The following LPP variants were observed in gnomAD, a reference collection of about 807,000 sequenced individuals.
The protein encoded by LPP is lipoma-preferred partner.
Under a neutral mutation model 60.4 loss-of-function variants are expected in LPP, and 38 were observed. The ratio of observed to expected loss-of-function variants is 0.63; its 90% CI spans 0.49 to 0.83. The LOEUF is 0.83. LPP is among the 40% of genes least tolerant of loss of function. The pLI is 0.00. For missense variants in LPP, 902 were observed against 783.6 expected, an observed-to-expected ratio of 1.15 and a Z score of -1.80; for synonymous variants, 328 against 290.8, an observed-to-expected ratio of 1.13 and a Z score of -1.30.
At chr3:188,542,092 A>G (rs749812040) in intron 6 of LPP, among the ~76,000 whole-genome samples, 4 of 152,188 alleles carry the variant, frequency 2.6e-5, no homozygotes, top group South Asian at 2.1e-4. Context: ...TGCATCTGCA[A>G]TTCTTGAAAG....
chr3:188,628,905 A>C (rs1357280499), intron 7 of LPP, among the ~76,000 whole-genome samples: 2 of 152,060 alleles, frequency 1.3e-5, no homozygotes, highest in African/African-American at 4.8e-5. Flanking sequence ...AGCTAATTCA[A>C]CCCAATCAAA....
intron 6 of LPP, among the ~76,000 whole-genome samples, chr3:188,558,932 G>A (rs1263287462): frequency 1.3e-5 from 2 of 152,094 alleles, no homozygotes; most frequent in East Asian, 1.9e-4. Flanking sequence ...GTGGTGGAAA[G>A]GATGAGTTTT....
intron 7 of LPP, among the ~76,000 whole-genome samples, chr3:188,697,089 T>A: frequency 6.6e-6 from 1 of 152,212 alleles, no homozygotes; most frequent in East Asian, 1.9e-4. Context: ...TATTTTCACT[T>A]AGGCACTTTG....
chr3:188,531,057 G>T (rs1392767436), intron 6 of LPP, among the ~76,000 whole-genome samples: 2 of 152,038 alleles, frequency 1.3e-5, no homozygotes, highest in East Asian at 1.9e-4. Context: ...AAGTAAGTTT[G>T]GTAGGATTGG....
intron 2 of LPP, among the ~76,000 whole-genome samples, chr3:188,323,617 A>T (rs1352470569): frequency 6.6e-6 from 1 of 152,246 alleles, no homozygotes; most frequent in East Asian, 1.9e-4. Flanking sequence ...CTCAAGTTGC[A>T]TTCTCCTTAT....
At chr3:188,731,270 CTTGGGGTAAAGGAAAGT>C (rs1341429579) in intron 8 of LPP, among the ~76,000 whole-genome samples, 1 of 152,086 alleles carries the variant, frequency 6.6e-6, no homozygotes, top group African/African-American at 2.4e-5. Flanking sequence ...AGATTCTAAT[CTTGGGGTAAAGGAAAGT>C]TTGAGATTTC....
chr3:188,309,980 A>G (rs1199273253), intron 2 of LPP, among the ~76,000 whole-genome samples: 1 of 152,090 alleles, frequency 6.6e-6, no homozygotes, highest in Non-Finnish European at 1.5e-5. Flanking sequence ...TATTTCTTTA[A>G]ATGAGAATTG....
At chr3:188,509,873 G>GTTTTTTT (rs35389820) in intron 5 of LPP, among the ~76,000 whole-genome samples, 3 of 111,040 alleles carry the variant, frequency 2.7e-5, no homozygotes, top group African/African-American at 1.1e-4. Flanking sequence ...TTTTTTTGTT[G>GTTTTTTT]TTTTTTTTTT....
chr3:188,829,914 A>G (rs1033412075), intron 9 of LPP, among the ~76,000 whole-genome samples: 2 of 151,916 alleles, frequency 1.3e-5, no homozygotes, highest in African/African-American at 4.8e-5. Flanking sequence ...GCTCACATCT[A>G]TAATCCTAGC....
intron 7 of LPP, among the ~76,000 whole-genome samples, chr3:188,640,423 A>G (rs2148768108): frequency 6.8e-6 from 1 of 148,044 alleles, no homozygotes; most frequent in South Asian, 2.2e-4. Flanking sequence ...ATGCTAGATG[A>G]CGAGTTAGTG....
Position 188,162,410 on chromosome 3 carries a change from A to G in LPP, c.-190+8158A>G, listed in dbSNP as rs548526218. ...CATAGTTGATGTGAACATCCCTGCAAGCCCTTTACACAGGTGAGAAGTAGT... is the reference window on the plus strand; with the variant it reads ...CATAGTTGATGTGAACATCCCTGCAGGCCCTTTACACAGGTGAGAAGTAGT... On this transcript the variant is annotated intron_variant, in intron 1 of 11. Transcript: ENST00000617246. Among the ~76,000 whole-genome samples, 10 of 152,330 alleles carry G rather than the reference A, an allele frequency of 6.6e-5. No individual in the cohort carries two copies. In the South Asian group the frequency reaches 2.1e-3, roughly 32 times the overall value.
chr3:188,737,573 C>T (rs1008797638), intron 8 of LPP, among the ~76,000 whole-genome samples: 2 of 152,168 alleles, frequency 1.3e-5, no homozygotes, highest in African/African-American at 2.4e-5. Flanking sequence ...CTTTCCCACT[C>T]GCCCTCAGTT....
intron 2 of LPP, among the ~76,000 whole-genome samples, chr3:188,239,669 T>A (rs536407580): frequency 6.6e-6 from 1 of 152,336 alleles, no homozygotes; most frequent in African/African-American, 2.4e-5. Context: ...AAAGGCATTA[T>A]GGAGTCTCCA....
At chr3:188,638,276 T>C (rs1328356493) in intron 7 of LPP, among the ~76,000 whole-genome samples, 135 of 132,892 alleles carry the variant, frequency 1.0e-3, no homozygotes, top group South Asian at 2.6e-3. Context: ...CATGATTATC[T>C]CAATAGATGC....
At chr3:188,307,241 C>A (rs1329213364) in intron 2 of LPP, among the ~76,000 whole-genome samples, 1 of 152,140 alleles carries the variant, frequency 6.6e-6, no homozygotes, top group Non-Finnish European at 1.5e-5. Context: ...TGACAGGTAG[C>A]TTTGAAACCA....
intron 2 of LPP, among the ~76,000 whole-genome samples, chr3:188,240,618 TTGGGTAGAAAC>T: frequency 6.6e-6 from 1 of 152,234 alleles, no homozygotes; most frequent in African/African-American, 2.4e-5. Context: ...AGCAACATAT[TTGGGTAGAAAC>T]TTTCATATAA....
At chr3:188,273,890 T>G (rs545839410) in intron 2 of LPP, among the ~76,000 whole-genome samples, 1 of 152,252 alleles carries the variant, frequency 6.6e-6, no homozygotes, top group East Asian at 1.9e-4. Context: ...CCACCATGTC[T>G]GGCCGTCTAT....
chr3:188,746,058 T>C (rs942490872), intron 8 of LPP, among the ~76,000 whole-genome samples: 1 of 152,206 alleles, frequency 6.6e-6, no homozygotes, highest in Non-Finnish European at 1.5e-5. Flanking sequence ...TCTTTAATAA[T>C]GATCTTCTCT....
chr3:188,762,490 T>A (rs1178288873), intron 9 of LPP, among the ~76,000 whole-genome samples: 1 of 152,194 alleles, frequency 6.6e-6, no homozygotes, highest in Non-Finnish European at 1.5e-5. Flanking sequence ...TCAGACATAC[T>A]CCTCGCATTT....
Sources: gnomAD v4.1 joint callset for allele counts (sites outside exome capture counted in the v4.1 genomes callset) on GRCh38, gnomAD v4.1.1 for gene constraint, MANE v1.5 for transcripts, NCBI Gene and HGNC (gene_info 2026-07-23, HGNC 2026-07-21) for gene names.